USP15: variants seen among roughly 807,000 people sequenced by gnomAD.
USP15 encodes ubiquitin carboxyl-terminal hydrolase 15.
Under a neutral mutation model 127.1 loss-of-function variants are expected in USP15, and 18 were observed. The ratio of observed to expected loss-of-function variants is 0.14; its 90% CI spans 0.10 to 0.21. The LOEUF (loss-of-function observed/expected upper bound fraction) is 0.21, where lower values mean the gene tolerates loss of function less well. Ranked by LOEUF, USP15 falls within the 10% of genes least tolerant of loss-of-function variation. The pLI, the probability that USP15 is intolerant of heterozygous loss-of-function variation, is 1.00. For missense variants in USP15, 805 were observed against 1,159.9 expected, an observed-to-expected ratio of 0.69 and a Z score of 4.44; for synonymous variants, 364 against 393.7, an observed-to-expected ratio of 0.92 and a Z score of 0.89.
At position 62,415,224 on chromosome 12, in the gene USP15, T is replaced by G. The variant is rs1008255247; in HGVS notation, c.*10849T>G. On this transcript the variant is annotated 3_prime_UTR_variant, in exon 22 of 22. Transcript: ENST00000280377. ...CCCAGGAAGACTGAATGTTTCAGTTTTAGTGCAAAGGCAGGAAAAGACTGA... is the reference window on the plus strand; with the variant it reads ...CCCAGGAAGACTGAATGTTTCAGTTGTAGTGCAAAGGCAGGAAAAGACTGA... 2.5e-4 allele frequency: 38 copies of G among 152,308 alleles called. No homozygotes were observed. Among genetic ancestry groups the G allele is most frequent in the African/African-American group, 8.7e-4 (36 of 41,566 alleles). The allele number at this position is 152,308 out of a possible 1,614,324, so 9.4% of individuals were successfully genotyped here.
intron 1 of USP15, among the ~76,000 whole-genome samples, chr12:62,269,867 C>G (rs1298088637): frequency 6.6e-6 from 1 of 152,078 alleles, no homozygotes; most frequent in Non-Finnish European, 1.5e-5. Context: ...AATAATCCTG[C>G]TATGAACATC....
chr12:62,287,880 G>A (rs996864236), intron 1 of USP15, among the ~76,000 whole-genome samples: 4 of 152,106 alleles, frequency 2.6e-5, no homozygotes, highest in Non-Finnish European at 4.4e-5. Context: ...TGTCAGCTTC[G>A]TTGAAGATCA....
chr12:62,307,141 G>A (rs1303857353), intron 3 of USP15, among the ~76,000 whole-genome samples: 1 of 152,034 alleles, frequency 6.6e-6, no homozygotes. Context: ...CATTGTTTTC[G>A]AATTACCTCG....
In USP15 at chr12:62,301,699, TTG is replaced by T. The variant is rs547856461; in HGVS notation, c.218-1090_218-1089del. 4.5e-4 allele frequency among the ~76,000 whole-genome samples: 68 copies of T among 152,282 alleles called. 1 individual carries two copies. In the South Asian group the frequency reaches 8.1e-3, roughly 18 times the overall value. On this transcript the variant is annotated intron_variant, in intron 2 of 21. Coordinates refer to ENST00000280377, the MANE Select transcript of USP15 (RefSeq NM_001252078.2). ...CTAGAAAATGCAAAGTAGACTATAG[TTG>T]CAAAACACAGAATAAGTAACATTCT...
chr12:62,267,238 C>T (rs2063215509), intron 1 of USP15: 1 of 152,030 alleles, frequency 6.6e-6, no homozygotes, highest in South Asian at 2.1e-4. Context: ...ACTCGTTCTC[C>T]CATTTATCCT....
intron 2 of USP15, among the ~76,000 whole-genome samples, chr12:62,302,271 G>T (rs1370952780): frequency 6.6e-6 from 1 of 152,096 alleles, no homozygotes; most frequent in Admixed American, 6.6e-5. Context: ...AATGAATATT[G>T]TTACCATATG....
intron 3 of USP15, among the ~76,000 whole-genome samples, chr12:62,307,116 TC>T (rs765899428): frequency 6.6e-6 from 1 of 152,052 alleles, no homozygotes; most frequent in Non-Finnish European, 1.5e-5. Flanking sequence ...TCCAGTAAGA[TC>T]CAGTGGAGAC....
At chr12:62,384,986 C>T (rs1416100619) in intron 11 of USP15, among the ~76,000 whole-genome samples, 3 of 151,844 alleles carry the variant, frequency 2.0e-5, no homozygotes, top group Admixed American at 1.3e-4. Context: ...TCTTCTGACA[C>T]TTGACCCATC....
intron 6 of USP15, among the ~76,000 whole-genome samples, chr12:62,331,647 C>A (rs1212635528): frequency 6.6e-6 from 1 of 151,950 alleles, no homozygotes; most frequent in Non-Finnish European, 1.5e-5. Context: ...TTGTATTGGC[C>A]CCATTTTGAT....
Position 62,260,460 on chromosome 12 carries a change from A to C in USP15, c.46A>C (p.Ile16Leu). 3 of 1,552,192 alleles carry C rather than the reference A, an allele frequency of 1.9e-6. No individual in the cohort carries two copies. Among genetic ancestry groups the C allele is most frequent in the Non-Finnish European group, 2.6e-6 (3 of 1,147,724 alleles). Reference sequence around the variant, plus strand: ...GGATCTGGACACCCAGCGGTCTGACATCGCGACGCTGCTCAAAACCTCGCT... The same window carrying C: ...GGATCTGGACACCCAGCGGTCTGACCTCGCGACGCTGCTCAAAACCTCGCT... ...AADLDTQRSD[I>L]ATLLKTSLRK... Residue 16 changes from isoleucine to leucine, a missense_variant, in exon 1 of 22, where the codon ATC becomes CTC. Around this residue, in one of 11 missense-constraint regions of USP15, gnomAD observed 45 missense variants for 37.8 expected, o/e 1.19. Coordinates refer to ENST00000280377, the MANE Select transcript of USP15 (RefSeq NM_001252078.2).
chr12:62,289,558 A>G (rs2063892606), intron 1 of USP15, among the ~76,000 whole-genome samples: 1 of 151,372 alleles, frequency 6.6e-6, no homozygotes, highest in Non-Finnish European at 1.5e-5. Flanking sequence ...CTAACTTTTC[A>G]TTTCATTGAT....
At chr12:62,303,632 A>T (rs1480906650) in intron 3 of USP15, 1 of 152,008 alleles carries the variant, frequency 6.6e-6, no homozygotes, top group Non-Finnish European at 1.5e-5. Flanking sequence ...CATAGAAACA[A>T]TTAAAAAGTT....
At chr12:62,387,787 T>A (rs1332709877) in intron 11 of USP15, among the ~76,000 whole-genome samples, 1 of 152,162 alleles carries the variant, frequency 6.6e-6, no homozygotes, top group Non-Finnish European at 1.5e-5. Flanking sequence ...GAGGTACCCT[T>A]GTTTTTTGAG....
In USP15 at chr12:62,395,016, T is replaced by C. The variant is rs544384530; in HGVS notation, c.2571-1279T>C. ...AGTCGTTTTCCAGGTTCTTGAATGA[T>C]AGATTTTGATTAGTCAGTTACATTC... On this transcript the variant is annotated intron_variant, in intron 19 of 21. Transcript: ENST00000280377. 9.2e-5 allele frequency among the ~76,000 whole-genome samples: 14 copies of C among 152,316 alleles called. No individual in the cohort carries two copies. In the East Asian group the frequency reaches 2.3e-3, roughly 25 times the overall value.
intron 20 of USP15, among the ~76,000 whole-genome samples, chr12:62,396,919 A>G (rs2067510647): frequency 6.6e-6 from 1 of 152,202 alleles, no homozygotes; most frequent in African/African-American, 2.4e-5. Context: ...TAAGACTGAT[A>G]AACCATTGTT....
chr12:62,394,803 C>T (rs1194121774), intron 19 of USP15, among the ~76,000 whole-genome samples: 3 of 151,404 alleles, frequency 2.0e-5, no homozygotes, highest in Admixed American at 6.6e-5. Context: ...GAGCTGAGAT[C>T]GCGCCACTGC....
At chr12:62,291,275 T>C (rs1377083410) in intron 1 of USP15, among the ~76,000 whole-genome samples, 1 of 152,222 alleles carries the variant, frequency 6.6e-6, no homozygotes, top group Non-Finnish European at 1.5e-5. Flanking sequence ...TTTAACATTC[T>C]TTTTTCTTTC....
intron 3 of USP15, among the ~76,000 whole-genome samples, chr12:62,311,392 A>G (rs1455157080): frequency 6.6e-6 from 1 of 151,826 alleles, no homozygotes; most frequent in East Asian, 1.9e-4. Flanking sequence ...CCAGATAGTA[A>G]ATATTTTTAG....
chr12:62,343,309 G>T (rs1177683677), intron 6 of USP15, among the ~76,000 whole-genome samples: 1 of 152,192 alleles, frequency 6.6e-6, no homozygotes, highest in Non-Finnish European at 1.5e-5. Context: ...TGTGCTGGCA[G>T]TGAGAATTTC....
Sources: allele counts gnomAD v4.1 joint callset (sites outside exome capture counted in the v4.1 genomes callset), GRCh38; gene constraint gnomAD v4.1.1; regional missense constraint gnomAD v4.1.1; transcripts MANE v1.5; gene names NCBI Gene and HGNC (gene_info 2026-07-23, HGNC 2026-07-21).